The following OR2F1 variants were observed in gnomAD, a reference collection of about 807,000 sequenced individuals.
OR2F1 encodes the protein olfactory receptor 2F1.
For synonymous variants in OR2F1, 146 were observed against 155.3 expected (o/e 0.94, Z 0.44); for missense variants, 389 against 378.2 (o/e 1.03, Z -0.24).
In OR2F1 at chr7:143,963,681, C is replaced by A; in HGVS notation, c.*2757C>A. Reference sequence around the variant, plus strand: ...GGCCAAAGGCCCGAGAGCCCCTGGTCAACCACTGGTGTAGGTCCAAGAGTC... The same window carrying A: ...GGCCAAAGGCCCGAGAGCCCCTGGTAAACCACTGGTGTAGGTCCAAGAGTC... On this transcript the variant is annotated 3_prime_UTR_variant, in exon 3 of 3. Coordinates refer to ENST00000641412, the MANE Select transcript of OR2F1 (RefSeq NM_012369.3). 2 of 152,950 alleles carry A rather than the reference C, an allele frequency of 1.3e-5. No individual in the cohort carries two copies. Among genetic ancestry groups the A allele is most frequent in the South Asian group, 3.8e-4 (2 of 5,322 alleles). The allele number at this position is 152,950 out of a possible 1,614,324, so 9.5% of individuals were successfully genotyped here. A position where few individuals can be genotyped will look rare whatever the true frequency, so the allele number is the denominator to read the frequency against.
At chr7:143,958,365 G>T (rs924566463) in intron 1 of OR2F1, among the ~76,000 whole-genome samples, 1 of 152,152 alleles carries the variant, frequency 6.6e-6, no homozygotes, top group Non-Finnish European at 1.5e-5. Flanking sequence ...CACCCTGAGG[G>T]GTGCTGGTGG....
intron 1 of OR2F1, among the ~76,000 whole-genome samples, chr7:143,957,793 C>T (rs1193683349): frequency 1.3e-5 from 2 of 152,168 alleles, no homozygotes; most frequent in Non-Finnish European, 2.9e-5. Context: ...TCATCAAGGA[C>T]CCTTCAGCTG....
intron 1 of OR2F1, 107 bp downstream of exon 1, chr7:143,955,210 T>C (rs1158411357): frequency 2.6e-5 from 4 of 152,164 alleles, no homozygotes; most frequent in African/African-American, 9.6e-5. Flanking sequence ...ATGTGATGCA[T>C]ATATTAATTA....
chr7:143,959,635 G>T (rs1045424414), intron 2 of OR2F1, among the ~76,000 whole-genome samples: 7 of 152,050 alleles, frequency 4.6e-5, no homozygotes, highest in African/African-American at 1.7e-4. Flanking sequence ...TTTACCGCTG[G>T]TTGTCATTTG....
At chr7:143,957,117 G>A (rs1401188062) in intron 1 of OR2F1, among the ~76,000 whole-genome samples, 8 of 152,140 alleles carry the variant, frequency 5.3e-5, no homozygotes, top group Admixed American at 5.2e-4. Flanking sequence ...TTGAGAGTGA[G>A]CCATATAGAG....
rs28697889 is a variant in OR2F1 at position 143,961,339 on chromosome 7, T to G, written c.*415T>G. 31,949 of 167,034 alleles carry G rather than the reference T, an allele frequency of 0.19. 4,554 individuals carry two copies. The highest frequency in any genetic ancestry group is 0.39 in the African/African-American group (16,410 of 41,778). 10.3% of individuals were successfully genotyped at this position (167,034 alleles called of 1,614,324 possible). A position where few individuals can be genotyped will look rare whatever the true frequency, so the allele number is the denominator to read the frequency against. ...TTGAAAACAAAATGCATTTTTACAT[T>G]TGAAGACTCACTTTAAATAATTTGT... On this transcript the variant is annotated 3_prime_UTR_variant, in exon 3 of 3. Transcript: ENST00000641412.
Position 143,960,067 on chromosome 7 carries a change from G to T in OR2F1, c.97G>T (p.Val33Phe), listed in dbSNP as rs148250181. Reference protein sequence around the residue: ...TRVSLFVLFLVMYVVTVLGNC... With the variant: ...TRVSLFVLFLFMYVVTVLGNC... ...GGTCTCCCTGTTTGTCCTGTTCTTG[G>T]TCATGTATGTGGTGACCGTGCTGGG... is the stretch of plus-strand genomic sequence containing the variant. The change falls in exon 3 of 3, where the codon GTC becomes TTC. Residue 33 changes from valine to phenylalanine, a missense_variant. Coordinates refer to ENST00000641412, the MANE Select transcript of OR2F1 (RefSeq NM_012369.3). The T allele has an allele frequency of 3.7e-6, 6 of 1,614,004 alleles. No homozygotes were observed. The highest frequency in any genetic ancestry group is 5.1e-6 in the Non-Finnish European group (6 of 1,180,038).
At chr7:143,959,898 ATT>A in intron 2 of OR2F1, 48 bp from the exon 3 acceptor site, 3 of 1,233,670 alleles carry the variant, frequency 2.4e-6, no homozygotes, top group Non-Finnish European at 3.4e-6. Context: ...CAAACAAGTA[ATT>A]CTTATAGTTA....
rs2050275254 is a variant in OR2F1 at position 143,955,121 on chromosome 7, ATTTG to A, written c.-180+23_-180+26del. On this transcript the variant is annotated intron_variant, in intron 1 of 2. Coordinates refer to ENST00000641412, the MANE Select transcript of OR2F1 (RefSeq NM_012369.3). Reference sequence around the variant, plus strand: ...CAACAAAAGTAATTTTGTTTTATTTATTTGTTTGACAAATAAAAATTGTATATAT... The same window carrying A: ...CAACAAAAGTAATTTTGTTTTATTTATTTGACAAATAAAAATTGTATATAT... 6.6e-6 allele frequency: 1 copy of A among 152,160 alleles called. No homozygotes were observed. The highest frequency in any genetic ancestry group is 1.5e-5 in the Non-Finnish European group (1 of 67,990). 9.4% of individuals were successfully genotyped at this position (152,160 alleles called of 1,614,324 possible). A position where few individuals can be genotyped will look rare whatever the true frequency, so the allele number is the denominator to read the frequency against.
chr7:143,960,454 A>C lies in OR2F1; in HGVS notation c.484A>C (p.Ile162Leu). Residue 162 changes from isoleucine to leucine, a missense_variant, in exon 3 of 3, where the codon ATC becomes CTC. Ile to Leu is a conservative substitution (Grantham distance 5). Transcript: ENST00000641412. ...CATCAGCTCTCCTGTGCAGACTGCT[A>C]TCACCTTTCAGCTGCCCATGTGCAG... ...GFISSPVQTA[I>L]TFQLPMCRNK... 6.2e-7 allele frequency: 1 copy of C among 1,614,164 alleles called. No homozygotes were observed. The highest frequency in any genetic ancestry group is 1.3e-5 in the African/African-American group (1 of 75,036).
At chr7:143,955,937 T>C (rs1263532868) in intron 1 of OR2F1, among the ~76,000 whole-genome samples, 2 of 152,180 alleles carry the variant, frequency 1.3e-5, no homozygotes, top group African/African-American at 4.8e-5. Context: ...GTCACACTTG[T>C]ACACCACAAA....
Position 143,960,200 on chromosome 7 carries a change from T to C in OR2F1, c.230T>C (p.Val77Ala), listed in dbSNP as rs1381802397. Residue 77 changes from valine (V) to alanine (A), a missense_variant, in exon 3 of 3, where the codon GTA (valine) becomes GCA (alanine). Coordinates refer to ENST00000641412, the MANE Select transcript of OR2F1 (RefSeq NM_012369.3). ...GTCGATGTCTCCTATGCCACAAGTG[T>C]AGTCCCTCAGCTGCTGGCACATTTT... is the stretch of plus-strand genomic sequence containing the variant. ...SLVDVSYATSVVPQLLAHFLA... is the reference protein window; with the variant it reads ...SLVDVSYATSAVPQLLAHFLA... 3 of 1,614,172 alleles carry C rather than the reference T, an allele frequency of 1.9e-6. No homozygotes were observed. The highest frequency in any genetic ancestry group is 1.1e-5 in the South Asian group (1 of 91,080).
chr7:143,961,035 CATGTACTGTGGATGTTATGG>C lies in OR2F1; in HGVS notation c.*113_*132del. 7.7e-6 allele frequency: 6 copies of C among 780,100 alleles called. No homozygotes were observed. The highest frequency in any genetic ancestry group is 1.3e-5 in the Non-Finnish European group (6 of 478,268). 48.3% of individuals were successfully genotyped at this position (780,100 alleles called of 1,614,324 possible). A position where few individuals can be genotyped will look rare whatever the true frequency, so the allele number is the denominator to read the frequency against. ...GGCAACCAGGAAGGAGATGACGTAG[CATGTACTGTGGATGTTATGG>C]AGGAGGGGGAGTGGTTCAATTGGAT... On this transcript the variant is annotated 3_prime_UTR_variant, in exon 3 of 3. Transcript: ENST00000641412.
chr7:143,963,236 C>T lies in OR2F1; in HGVS notation c.*2312C>T, dbSNP rs377126740. The T allele has an allele frequency of 5.9e-5, 9 of 152,122 alleles. No homozygotes were observed. Among genetic ancestry groups the T allele is most frequent in the African/African-American group, 1.7e-4 (7 of 41,424 alleles). The allele number at this position is 152,122 out of a possible 1,614,324, so 9.4% of individuals were successfully genotyped here. ...ACATAATACATCAAGGAGGAAAATA[C>T]GTGAAGATGCTATATCTTCATTTCT... On this transcript the variant is annotated 3_prime_UTR_variant, in exon 3 of 3. Transcript: ENST00000641412.
intron 1 of OR2F1, among the ~76,000 whole-genome samples, chr7:143,955,447 T>C (rs2050277993): frequency 6.6e-6 from 1 of 152,190 alleles, no homozygotes; most frequent in African/African-American, 2.4e-5. Flanking sequence ...ATTGCATTTT[T>C]AAACATTTCA....
In OR2F1 at chr7:143,963,892, T is replaced by G. The variant is rs891906278; in HGVS notation, c.*2968T>G. The stretch of plus-strand genomic sequence containing the variant: ...CCCAGATTGAGGATGGGCCTGCCTC[T>G]CCTAGTCCACTGACTCAGATGTTAA... On this transcript the variant is annotated 3_prime_UTR_variant, in exon 3 of 3. Coordinates refer to ENST00000641412, the MANE Select transcript of OR2F1 (RefSeq NM_012369.3). The G allele has an allele frequency of 1.3e-5, 2 of 152,224 alleles. No individual in the cohort carries two copies. Among genetic ancestry groups the G allele is most frequent in the African/African-American group, 4.8e-5 (2 of 41,460 alleles). 9.4% of individuals were successfully genotyped at this position (152,224 alleles called of 1,614,324 possible). A position where few individuals can be genotyped will look rare whatever the true frequency, so the allele number is the denominator to read the frequency against.
intron 1 of OR2F1, among the ~76,000 whole-genome samples, chr7:143,956,790 G>A (rs1395883790): frequency 2.6e-5 from 4 of 152,156 alleles, no homozygotes; most frequent in Admixed American, 2.0e-4. Context: ...TTACAAGTAA[G>A]GTCTGGCAAC....
In OR2F1 at chr7:143,960,928, A is replaced by AT. The variant is rs2050325265; in HGVS notation, c.*5dup. On this transcript the variant is annotated 3_prime_UTR_variant, in exon 3 of 3. Coordinates refer to ENST00000641412, the MANE Select transcript of OR2F1 (RefSeq NM_012369.3). ...AACATCAAAGCTGGCAACTTGACTC[A>AT]TGAGTATGACTTAGAGAAAACAGCT... 6.3e-7 allele frequency: 1 copy of AT among 1,596,046 alleles called. No homozygotes were observed. The highest frequency in any genetic ancestry group is 8.5e-7 in the Non-Finnish European group (1 of 1,170,104).
Position 143,960,344 on chromosome 7 carries a change from C to T in OR2F1, c.374C>T (p.Ala125Val), listed in dbSNP as rs201803448. ...GTGATGGCCTATGACCGCTATGTGG[C>T]TGTGTGTGATGCCCTGCGATACTCG... ...LAVMAYDRYV[A>V]VCDALRYSAI... Residue 125 changes from alanine (A) to valine (V), a missense_variant, in exon 3 of 3, where the codon GCT becomes GTT. Ala to Val is a moderately conservative substitution (Grantham distance 64, BLOSUM62 0). Coordinates refer to ENST00000641412, the MANE Select transcript of OR2F1 (RefSeq NM_012369.3). 1.4e-4 allele frequency: 227 copies of T among 1,613,954 alleles called. No individual in the cohort carries two copies. Among genetic ancestry groups the T allele is most frequent in the Non-Finnish European group, 5.4e-5 (64 of 1,180,026 alleles).
Sources: allele counts gnomAD v4.1 joint callset (sites outside exome capture counted in the v4.1 genomes callset), GRCh38; gene constraint gnomAD v4.1.1; transcripts MANE v1.5; gene names NCBI Gene and HGNC (gene_info 2026-07-23, HGNC 2026-07-21).